GABRG3: variants seen among roughly 807,000 people sequenced by gnomAD.
GABRG3 encodes the protein gamma-aminobutyric acid type A receptor subunit gamma3, also known as gamma-aminobutyric acid receptor subunit gamma-3.
GABRG3 carries 25 observed loss-of-function variants against 48.8 expected under a neutral mutation model. That is an observed-to-expected ratio of 0.51 (90% CI 0.37 to 0.72). The LOEUF (loss-of-function observed/expected upper bound fraction) is 0.72. Ranked by LOEUF, GABRG3 falls within the 30% of genes least tolerant of loss-of-function variation. The probability of loss-of-function intolerance (pLI) is 0.00; values close to 1 mark genes in which losing one functional copy is unlikely to be tolerated. For synonymous variants in GABRG3, 227 were observed against 217.6 expected, an observed-to-expected ratio of 1.04 and a Z score of -0.38; for missense variants, 394 against 577.9, an observed-to-expected ratio of 0.68 and a Z score of 3.26.
intron 3 of GABRG3, among the ~76,000 whole-genome samples, chr15:27,136,605 T>G (rs532732955): frequency 1.3e-5 from 2 of 152,330 alleles, no homozygotes; most frequent in South Asian, 4.1e-4. Context: ...TCCCGTAATG[T>G]GATCATAGGG....
chr15:27,328,401 G>A (rs1893692252), intron 4 of GABRG3, among the ~76,000 whole-genome samples: 1 of 152,206 alleles, frequency 6.6e-6, no homozygotes, highest in East Asian at 1.9e-4. Context: ...GTCCAAACAG[G>A]AAATCCCCCC....
chr15:27,145,841 G>GA (rs567771191), intron 3 of GABRG3, among the ~76,000 whole-genome samples: 179 of 151,950 alleles, frequency 1.2e-3, no homozygotes, highest in African/African-American at 3.5e-3. Context: ...AAGCCAAGGA[G>GA]AAAAAATCTT....
chr15:27,422,866 G>T (rs889261694), intron 5 of GABRG3, among the ~76,000 whole-genome samples: 2 of 152,154 alleles, frequency 1.3e-5, no homozygotes, highest in Admixed American at 6.5e-5. Context: ...TCACGACTAA[G>T]GTTTATTGTA....
At chr15:27,374,726 A>G (rs574263947) in intron 5 of GABRG3, among the ~76,000 whole-genome samples, 42 of 152,284 alleles carry the variant, frequency 2.8e-4, no homozygotes, top group African/African-American at 8.7e-4. Context: ...GTTGTGGACC[A>G]CACCTCAGAG....
chr15:27,080,838 A>G (rs1297986993), intron 3 of GABRG3, among the ~76,000 whole-genome samples: 1 of 152,138 alleles, frequency 6.6e-6, no homozygotes, highest in Non-Finnish European at 1.5e-5. Context: ...AGCTGGTGCT[A>G]GTTAGCCCTC....
chr15:27,324,472 C>T (rs1893537438), intron 3 of GABRG3, among the ~76,000 whole-genome samples: 2 of 152,196 alleles, frequency 1.3e-5, no homozygotes, highest in Non-Finnish European at 1.5e-5. Context: ...TATGTTTTCA[C>T]TCTTACTCTT....
intron 5 of GABRG3, among the ~76,000 whole-genome samples, chr15:27,374,143 T>C (rs1207244887): frequency 1.6e-5 from 2 of 126,078 alleles, no homozygotes; most frequent in African/African-American, 8.7e-5. Context: ...TTCTTCTTTT[T>C]TTTTTTTTTT....
intron 3 of GABRG3, among the ~76,000 whole-genome samples, chr15:27,061,148 G>A (rs549776136): frequency 6.6e-6 from 1 of 152,332 alleles, no homozygotes; most frequent in South Asian, 2.1e-4. Flanking sequence ...TAAACCTATA[G>A]ACAGGTGTTG....
At position 27,388,243 on chromosome 15, in the gene GABRG3, A is replaced by AG. The variant is rs765316777; in HGVS notation, c.574+59357dup. Among the ~76,000 whole-genome samples, 37 of 21,638 alleles carry AG rather than the reference A, an allele frequency of 1.7e-3. 1 individual carries two copies. Among genetic ancestry groups the AG allele is most frequent in the Non-Finnish European group, 2.8e-3 (30 of 10,896 alleles). The allele number at this position is 21,638 out of a possible 152,430, so 14.2% of individuals were successfully genotyped here. A position where few individuals can be genotyped will look rare whatever the true frequency, so the allele number is the denominator to read the frequency against. On this transcript the variant is annotated intron_variant, in intron 5 of 9. Coordinates refer to ENST00000615808, the MANE Select transcript of GABRG3 (RefSeq NM_033223.5). ...AAGGAAGGAAAGGGAGGAGGGAGGG[A>AG]GGAAAGGAAGGAAGGAAAGGAGGGA... is the stretch of plus-strand genomic sequence containing the variant.
chr15:27,271,680 A>G (rs912194458), intron 3 of GABRG3: 2 of 453,082 alleles, frequency 4.4e-6, no homozygotes, highest in African/African-American at 4.0e-5. Flanking sequence ...ACCGTGTGGG[A>G]GCAGGTGTGT....
At chr15:27,088,131 G>A (rs563702293) in intron 3 of GABRG3, among the ~76,000 whole-genome samples, 30 of 151,528 alleles carry the variant, frequency 2.0e-4, no homozygotes, top group African/African-American at 7.3e-4. Context: ...GTGTGTGCAC[G>A]CATGTGTGTG....
chr15:27,527,718 A>T, intron 8 of GABRG3, 89 bp downstream of exon 8: 1 of 1,271,618 alleles, frequency 7.9e-7, no homozygotes. Flanking sequence ...ATTCCTAAGG[A>T]TCGTACAAAG....
intron 5 of GABRG3, among the ~76,000 whole-genome samples, chr15:27,384,610 A>G (rs1196256438): frequency 6.6e-6 from 1 of 152,172 alleles, no homozygotes; most frequent in African/African-American, 2.4e-5. Flanking sequence ...AATTGCCCTG[A>G]TGCTTGGTCC....
chr15:26,971,988 C>G (rs912030908), intron 1 of GABRG3, among the ~76,000 whole-genome samples: 2 of 152,028 alleles, frequency 1.3e-5, no homozygotes, highest in Non-Finnish European at 2.9e-5. Flanking sequence ...TTCCATCACT[C>G]TGAAATTTCC....
At chr15:27,508,452 T>A (rs982401226) in intron 6 of GABRG3, among the ~76,000 whole-genome samples, 3 of 152,214 alleles carry the variant, frequency 2.0e-5, no homozygotes, top group Non-Finnish European at 4.4e-5. Context: ...ATTATACATT[T>A]CATTTTTTCT....
At chr15:27,252,690 C>G (rs930306152) in intron 3 of GABRG3, among the ~76,000 whole-genome samples, 1 of 152,090 alleles carries the variant, frequency 6.6e-6, no homozygotes, top group African/African-American at 2.4e-5. Flanking sequence ...AGAGAGGGCA[C>G]CTCCCACCTG....
At chr15:27,267,101 A>C (rs1252045189) in intron 3 of GABRG3, among the ~76,000 whole-genome samples, 1 of 103,954 alleles carries the variant, frequency 9.6e-6, no homozygotes, top group African/African-American at 3.6e-5. Context: ...CTAGTCTTTT[A>C]CTTTTTTTTT....
chr15:27,426,686 G>A (rs758363843), intron 5 of GABRG3, among the ~76,000 whole-genome samples: 2 of 152,144 alleles, frequency 1.3e-5, no homozygotes, highest in Non-Finnish European at 2.9e-5. Context: ...ATAAAATTTA[G>A]TTGGGCATAG....
intron 3 of GABRG3, among the ~76,000 whole-genome samples, chr15:27,225,953 G>C (rs181185548): frequency 2.0e-5 from 3 of 152,122 alleles, no homozygotes; most frequent in African/African-American, 7.2e-5. Context: ...CAGATTAGGG[G>C]CTCCCTTTGG....
Sources: gnomAD v4.1 joint callset for allele counts (sites outside exome capture counted in the v4.1 genomes callset) on GRCh38, gnomAD v4.1.1 for gene constraint, MANE v1.5 for transcripts, NCBI Gene and HGNC (gene_info 2026-07-23, HGNC 2026-07-21) for gene names.